Variants in HELZ observed in about 807,000 individuals in gnomAD.
The protein encoded by HELZ is ATP-dependent RNA helicase with zinc finger domain.
Under a neutral mutation model 218.2 loss-of-function variants are expected in HELZ, and 23 were observed. The observed-to-expected ratio is 0.11, with a 90% CI of 0.08 to 0.15. The LOEUF is 0.15. HELZ is among the 10% of genes least tolerant of loss of function. The probability of loss-of-function intolerance (pLI) is 1.00; values close to 1 mark genes in which losing one functional copy is unlikely to be tolerated. For synonymous variants in HELZ, 814 were observed against 829.4 expected (o/e 0.98, Z 0.32); for missense variants, 1,813 against 2,353.7 (o/e 0.77, Z 4.75).
At chr17:67,097,646 G>C (rs1004698825) in intron 31 of HELZ, among the ~76,000 whole-genome samples, 1 of 152,188 alleles carries the variant, frequency 6.6e-6, no homozygotes, top group African/African-American at 2.4e-5. Flanking sequence ...CAGGTTCACT[G>C]CTGTGACATT....
At chr17:67,187,642 T>A (rs1339301340) in intron 12 of HELZ, among the ~76,000 whole-genome samples, 1 of 152,206 alleles carries the variant, frequency 6.6e-6, no homozygotes, top group Non-Finnish European at 1.5e-5. Flanking sequence ...CACCTATAAA[T>A]CCAACCAAGA....
intron 31 of HELZ, among the ~76,000 whole-genome samples, chr17:67,104,996 G>A (rs1028178319): frequency 6.6e-6 from 1 of 152,078 alleles, no homozygotes; most frequent in African/African-American, 2.4e-5. Flanking sequence ...AGCTGGGTGT[G>A]GTGGTGGGCG....
At chr17:67,243,097 CT>C (rs2041370338) in intron 2 of HELZ, among the ~76,000 whole-genome samples, 1 of 152,194 alleles carries the variant, frequency 6.6e-6, no homozygotes, top group African/African-American at 2.4e-5. Context: ...AAACTATTCA[CT>C]AACACTGTAT....
chr17:67,123,953 T>A lies in HELZ; in HGVS notation c.3439+10A>T. 1 of 1,601,674 alleles carries A rather than the reference T, an allele frequency of 6.2e-7. No homozygotes were observed. The highest frequency in any genetic ancestry group is 8.6e-7 in the Non-Finnish European group (1 of 1,169,382). ...AAAGCAAGTTTTCATAGGGTAATTT[T>A]TCCACTTACCAATTCCATCATTCTG... On this transcript the variant is annotated intron_variant, in intron 25 of 32. Transcript: ENST00000358691.
At chr17:67,194,836 T>A (rs1353164694) in intron 8 of HELZ, among the ~76,000 whole-genome samples, 1 of 152,178 alleles carries the variant, frequency 6.6e-6, no homozygotes, top group East Asian at 1.9e-4. Context: ...GTGCTTCATC[T>A]CTATACTAGC....
At chr17:67,220,127 T>C (rs2040706026) in intron 3 of HELZ, among the ~76,000 whole-genome samples, 1 of 152,210 alleles carries the variant, frequency 6.6e-6, no homozygotes, top group Non-Finnish European at 1.5e-5. Context: ...AGCCTACATA[T>C]ATGTTCTCTG....
At chr17:67,140,365 G>A (rs1417656048) in intron 21 of HELZ, among the ~76,000 whole-genome samples, 5 of 152,118 alleles carry the variant, frequency 3.3e-5, no homozygotes, top group Non-Finnish European at 7.4e-5. Context: ...TTCTGCCTCC[G>A]CCAAGAGACC....
rs1017070931 is a variant in HELZ at position 67,196,603 on chromosome 17, TG to T, written c.430-1134del. On this transcript the variant is annotated intron_variant, in intron 7 of 32. Coordinates refer to ENST00000358691, the MANE Select transcript of HELZ (RefSeq NM_014877.4). ...ATGGATGGATGGATGGATGGATGGA[TG>T]GGTGCATGGGTGGGTGGATGGGAAC... Among the ~76,000 whole-genome samples, 192 of 131,472 alleles carry T rather than the reference TG, an allele frequency of 1.5e-3. 1 individual carries two copies. Among genetic ancestry groups the T allele is most frequent in the African/African-American group, 5.1e-3 (177 of 34,518 alleles). 86.3% of individuals were successfully genotyped at this position (131,472 alleles called of 152,430 possible).
intron 6 of HELZ, among the ~76,000 whole-genome samples, chr17:67,201,603 G>A (rs2040170243): frequency 6.6e-6 from 1 of 152,060 alleles, no homozygotes; most frequent in Admixed American, 6.6e-5. Context: ...ATTCATATAA[G>A]CTGATCACAC....
chr17:67,234,583 G>T (rs556022643), intron 3 of HELZ, among the ~76,000 whole-genome samples: 1 of 151,760 alleles, frequency 6.6e-6, no homozygotes, highest in African/African-American at 2.4e-5. Flanking sequence ...GGTGGCTCAG[G>T]CCTGTAATCC....
chr17:67,215,311 T>C (rs1289270967), intron 5 of HELZ, among the ~76,000 whole-genome samples: 1 of 152,046 alleles, frequency 6.6e-6, no homozygotes, highest in Non-Finnish European at 1.5e-5. Context: ...TGAGTTATGT[T>C]TCTTAAACTT....
chr17:67,235,991 A>G (rs1598480624), intron 3 of HELZ, among the ~76,000 whole-genome samples: 1 of 151,512 alleles, frequency 6.6e-6, no homozygotes, highest in Non-Finnish European at 1.5e-5. Flanking sequence ...CGATCTCCTG[A>G]CCTCCTGATC....
Position 67,160,297 on chromosome 17 carries a change from T to C in HELZ, c.2141A>G (p.Tyr714Cys). Reference protein sequence around the residue: ...DLYIKDYLHPYVEAGNPQARP... With the variant: ...DLYIKDYLHPCVEAGNPQARP... ...TGCCTGGGGATTGCCTGCTTCTACA[T>C]ATGGATGTAAATAATCCTTTATGTA... Residue 714 changes from tyrosine (Y) to cysteine (C), a missense_variant, in exon 17 of 33, where the codon TAT becomes TGT. By Grantham distance (194) the Tyr-to-Cys change is radical (BLOSUM62 -2). Around this residue, in one of 4 missense-constraint regions of HELZ, gnomAD observed 714 missense variants for 1,029.2 expected, o/e 0.69. Coordinates refer to ENST00000358691, the MANE Select transcript of HELZ (RefSeq NM_014877.4). 1 of 1,612,468 alleles carries C rather than the reference T, an allele frequency of 6.2e-7. No homozygotes were observed. Among genetic ancestry groups the C allele is most frequent in the Non-Finnish European group, 8.5e-7 (1 of 1,178,752 alleles).
At chr17:67,167,323 C>T (rs986798462) in intron 14 of HELZ, 140 bp downstream of exon 14, 2 of 595,030 alleles carry the variant, frequency 3.4e-6, no homozygotes, top group Non-Finnish European at 6.0e-6. Context: ...ACTACAGGTG[C>T]AATTTTCAAC....
intron 31 of HELZ, among the ~76,000 whole-genome samples, chr17:67,101,655 T>C (rs1443219194): frequency 6.6e-6 from 1 of 152,234 alleles, no homozygotes; most frequent in African/African-American, 2.4e-5. Flanking sequence ...ACTGAACTTT[T>C]GGAAGCTCAG....
chr17:67,204,437 C>T (rs1468410974), intron 5 of HELZ, among the ~76,000 whole-genome samples: 1 of 152,124 alleles, frequency 6.6e-6, no homozygotes, highest in African/African-American at 2.4e-5. Context: ...GTAACTGATG[C>T]CAACATGACA....
In HELZ at chr17:67,190,026, C is replaced by T. The variant is rs952903651; in HGVS notation, c.756+131G>A. On this transcript the variant is annotated intron_variant, in intron 10 of 32. Coordinates refer to ENST00000358691, the MANE Select transcript of HELZ (RefSeq NM_014877.4). ...ATGGGTCTACTATAGCTACTAAAAA[C>T]ATCATTCTATCAGAATCAAGTTCTT... 1.7e-5 allele frequency: 13 copies of T among 742,950 alleles called. No homozygotes were observed. In the Admixed American group the frequency reaches 2.8e-4, roughly 16 times the overall value. 46.0% of individuals were successfully genotyped at this position (742,950 alleles called of 1,614,324 possible). A position where few individuals can be genotyped will look rare whatever the true frequency, so the allele number is the denominator to read the frequency against.
chr17:67,141,669 A>T (rs1382687513), intron 21 of HELZ, among the ~76,000 whole-genome samples: 1 of 152,052 alleles, frequency 6.6e-6, no homozygotes, highest in African/African-American at 2.4e-5. Context: ...AATTTGAAGT[A>T]GATTCTGATA....
chr17:67,114,302 A>C (rs1195701263), intron 28 of HELZ, 22 bp downstream of exon 28: 1 of 1,526,140 alleles, frequency 6.6e-7, no homozygotes, highest in African/African-American at 1.4e-5. Flanking sequence ...CACTAGGACA[A>C]CACAGTAACT....
Sources: allele counts gnomAD v4.1 joint callset (sites outside exome capture counted in the v4.1 genomes callset), GRCh38; gene constraint gnomAD v4.1.1; regional missense constraint gnomAD v4.1.1; transcripts MANE v1.5; gene names NCBI Gene and HGNC (gene_info 2026-07-23, HGNC 2026-07-21).